Variants in WWOX observed in about 807,000 individuals in gnomAD.
WWOX encodes the protein WW domain containing oxidoreductase.
WWOX carries 69 observed loss-of-function variants against 46.2 expected under a neutral mutation model. The ratio of observed to expected loss-of-function variants is 1.49; its 90% CI spans 1.23 to 1.82. The LOEUF (loss-of-function observed/expected upper bound fraction) is 1.82, where lower values mean the gene tolerates loss of function less well. Ranked by LOEUF, WWOX falls within the 40% of genes most tolerant of loss-of-function variation. The probability of loss-of-function intolerance (pLI) is 0.00; values close to 1 mark genes in which losing one functional copy is unlikely to be tolerated. For missense variants in WWOX, 919 were observed against 542.6 expected (o/e 1.69, Z -6.89); for synonymous variants, 359 against 202.6 (o/e 1.77, Z -6.56).
At chr16:78,546,801 G>C (rs2044043842) in intron 8 of WWOX, among the ~76,000 whole-genome samples, 1 of 152,090 alleles carries the variant, frequency 6.6e-6, no homozygotes, top group South Asian at 2.1e-4. Flanking sequence ...AGAGAGCCTA[G>C]AAAACCTGGG....
At chr16:78,922,807 T>C (rs2045409280) in intron 8 of WWOX, among the ~76,000 whole-genome samples, 1 of 152,180 alleles carries the variant, frequency 6.6e-6, no homozygotes, top group Non-Finnish European at 1.5e-5. Flanking sequence ...CTAAAGGAAC[T>C]GGAGCTTGGG....
chr16:78,335,183 C>A (rs578245571), intron 5 of WWOX, among the ~76,000 whole-genome samples: 2 of 152,170 alleles, frequency 1.3e-5, no homozygotes, highest in African/African-American at 4.8e-5. Flanking sequence ...AAGTTTGTTA[C>A]ATAGGTAATC....
chr16:78,355,357 C>T (rs1250295119), intron 5 of WWOX, among the ~76,000 whole-genome samples: 1 of 151,918 alleles, frequency 6.6e-6, no homozygotes, highest in Admixed American at 6.6e-5. Flanking sequence ...AATCCCAGCA[C>T]TTTGGGAGGC....
intron 8 of WWOX, among the ~76,000 whole-genome samples, chr16:78,786,572 C>A (rs11862064): frequency 0.017 from 2,632 of 152,216 alleles, 81 homozygotes; most frequent in African/African-American, 0.06. Flanking sequence ...CATACACTTT[C>A]CAATAAGCCC....
intron 8 of WWOX, among the ~76,000 whole-genome samples, chr16:79,039,634 G>A (rs951850312): frequency 2.0e-5 from 3 of 152,096 alleles, no homozygotes; most frequent in Admixed American, 1.3e-4. Flanking sequence ...TTCTTGACCC[G>A]GCACCTCGGA....
At chr16:78,791,881 A>C (rs1217462932) in intron 8 of WWOX, among the ~76,000 whole-genome samples, 4 of 152,174 alleles carry the variant, frequency 2.6e-5, no homozygotes, top group South Asian at 2.1e-4. Context: ...TTTGTCTCAA[A>C]AACAACAACA....
intron 8 of WWOX, among the ~76,000 whole-genome samples, chr16:79,168,505 C>T (rs2050638099): frequency 6.6e-6 from 1 of 152,172 alleles, no homozygotes; most frequent in African/African-American, 2.4e-5. Flanking sequence ...GGCAGGCATC[C>T]AGTCCCTGTT....
At chr16:78,812,570 A>T (rs531647788) in intron 8 of WWOX, among the ~76,000 whole-genome samples, 248 of 152,152 alleles carry the variant, frequency 1.6e-3, no homozygotes, top group African/African-American at 5.7e-3. Flanking sequence ...AAAAATAAAA[A>T]AAAAAAATTG....
At chr16:78,680,562 G>T (rs2047705707) in intron 8 of WWOX, among the ~76,000 whole-genome samples, 1 of 152,122 alleles carries the variant, frequency 6.6e-6, no homozygotes, top group South Asian at 2.1e-4. Context: ...GTAGAGCTGG[G>T]CTATCCAATA....
chr16:78,365,472 A>G (rs1054554465), intron 5 of WWOX, among the ~76,000 whole-genome samples: 15 of 152,322 alleles, frequency 9.8e-5, no homozygotes, highest in Admixed American at 1.3e-4. Context: ...AAGGCTTGCA[A>G]CTGAATCTGG....
intron 8 of WWOX, among the ~76,000 whole-genome samples, chr16:79,114,754 G>C (rs1173861551): frequency 6.6e-6 from 1 of 152,142 alleles, no homozygotes; most frequent in Non-Finnish European, 1.5e-5. Flanking sequence ...GGGAGCTAAA[G>C]ATATACCCTT....
chr16:78,358,819 T>TGC (rs2081350122), intron 5 of WWOX, among the ~76,000 whole-genome samples: 1 of 149,212 alleles, frequency 6.7e-6, no homozygotes, highest in Non-Finnish European at 1.5e-5. Context: ...TCTTTCTGAC[T>TGC]TTTTAAAATT....
intron 8 of WWOX, among the ~76,000 whole-genome samples, chr16:79,080,610 A>G (rs1290842811): frequency 6.6e-6 from 1 of 152,204 alleles, no homozygotes; most frequent in South Asian, 2.1e-4. Context: ...GGATGGACTC[A>G]ATCTGGACCC....
intron 8 of WWOX, among the ~76,000 whole-genome samples, chr16:78,749,032 G>A (rs749212380): frequency 4.6e-5 from 7 of 152,228 alleles, no homozygotes; most frequent in Non-Finnish European, 8.8e-5. Context: ...AGAGAAATTA[G>A]CCAAGTGTAT....
chr16:78,460,327 C>T (rs2083920627), intron 8 of WWOX, among the ~76,000 whole-genome samples: 1 of 152,064 alleles, frequency 6.6e-6, no homozygotes, highest in Admixed American at 6.6e-5. Flanking sequence ...GGAGTTTCAC[C>T]AAGTTGGCCA....
chr16:78,446,408 T>C (rs1007778638), intron 8 of WWOX, among the ~76,000 whole-genome samples: 1 of 152,144 alleles, frequency 6.6e-6, no homozygotes, highest in East Asian at 1.9e-4. Flanking sequence ...TGACACGAGA[T>C]GTTGCCTGCC....
At chr16:79,193,030 A>G (rs184013848) in intron 8 of WWOX, among the ~76,000 whole-genome samples, 247 of 152,320 alleles carry the variant, frequency 1.6e-3, no homozygotes, top group African/African-American at 5.5e-3. Context: ...GTTTGTGTCC[A>G]TGGCTGTGAA....
chr16:78,736,068 G>A (rs149151424), intron 8 of WWOX, among the ~76,000 whole-genome samples: 12 of 152,162 alleles, frequency 7.9e-5, no homozygotes, highest in Non-Finnish European at 1.8e-4. Flanking sequence ...ATTCGGCTTC[G>A]CTTGCTTTAT....
At chr16:78,956,017 T>C (rs1020054149) in intron 8 of WWOX, among the ~76,000 whole-genome samples, 1 of 152,152 alleles carries the variant, frequency 6.6e-6, no homozygotes, top group Non-Finnish European at 1.5e-5. Flanking sequence ...AAAAACTTTT[T>C]TTTTTAGAAC....
Sources: allele counts gnomAD v4.1 joint callset (sites outside exome capture counted in the v4.1 genomes callset), GRCh38; gene constraint gnomAD v4.1.1; transcripts MANE v1.5; gene names NCBI Gene and HGNC (gene_info 2026-07-23, HGNC 2026-07-21).